LHFPL6: variants seen among roughly 807,000 people sequenced by gnomAD.
LHFPL6 encodes the protein LHFPL tetraspan subfamily member 6 protein.
A neutral mutation model predicts 20.6 loss-of-function variants in LHFPL6; 9 were observed. The observed-to-expected ratio is 0.44, with a 90% CI of 0.26 to 0.76. LHFPL6 has a LOEUF of 0.76. LHFPL6 is among the 30% of genes least tolerant of loss of function. The probability of loss-of-function intolerance (pLI) is 0.20; values close to 1 mark genes in which losing one functional copy is unlikely to be tolerated. For missense variants in LHFPL6, 218 were observed against 253.5 expected (o/e 0.86, Z 0.95); for synonymous variants, 105 against 98.7 (o/e 1.06, Z -0.38).
chr13:39,456,954 G>A (rs138771828), intron 2 of LHFPL6, among the ~76,000 whole-genome samples: 4,868 of 151,976 alleles, frequency 0.032, 258 homozygotes, highest in African/African-American at 0.11. Flanking sequence ...GAGCCACCAC[G>A]CCCGGCTAAT....
At chr13:39,359,760 A>G (rs1869829477) in intron 3 of LHFPL6, among the ~76,000 whole-genome samples, 1 of 151,798 alleles carries the variant, frequency 6.6e-6, no homozygotes, top group Admixed American at 6.6e-5. Context: ...CTGCACATGT[A>G]CCCCCAGAAT....
chr13:39,531,587 A>G (rs1870466553), intron 2 of LHFPL6, among the ~76,000 whole-genome samples: 1 of 152,162 alleles, frequency 6.6e-6, no homozygotes, highest in African/African-American at 2.4e-5. Flanking sequence ...GGGAATTCCA[A>G]TGGTTGAGCA....
At chr13:39,541,177 C>T (rs569686478) in intron 2 of LHFPL6, among the ~76,000 whole-genome samples, 8 of 152,306 alleles carry the variant, frequency 5.3e-5, no homozygotes, top group Non-Finnish European at 1.2e-4. Flanking sequence ...CTGAAAACAT[C>T]CTCCATCTCT....
intron 2 of LHFPL6, among the ~76,000 whole-genome samples, chr13:39,584,269 C>T (rs1024981461): frequency 3.9e-5 from 6 of 152,208 alleles, no homozygotes; most frequent in Middle Eastern, 3.4e-3. Context: ...TGGCCGGGCA[C>T]GGTGGCTCAC....
chr13:39,545,848 A>G (rs1445608692), intron 2 of LHFPL6, among the ~76,000 whole-genome samples: 1 of 152,136 alleles, frequency 6.6e-6, no homozygotes, highest in Non-Finnish European at 1.5e-5. Flanking sequence ...AGACAGGAAG[A>G]TCACTTGAGG....
At chr13:39,570,472 G>A (rs1281270974) in intron 2 of LHFPL6, among the ~76,000 whole-genome samples, 2 of 151,118 alleles carry the variant, frequency 1.3e-5, no homozygotes, top group African/African-American at 4.9e-5. Flanking sequence ...ATATCCAGAA[G>A]GATTCATTAA....
chr13:39,530,488 T>C (rs1397463870), intron 2 of LHFPL6, among the ~76,000 whole-genome samples: 1 of 151,974 alleles, frequency 6.6e-6, no homozygotes, highest in African/African-American at 2.4e-5. Flanking sequence ...GAGTTTCCAG[T>C]GCAGGTAAAC....
chr13:39,506,357 T>C (rs1323035391), intron 2 of LHFPL6, among the ~76,000 whole-genome samples: 1 of 152,128 alleles, frequency 6.6e-6, no homozygotes, highest in African/African-American at 2.4e-5. Flanking sequence ...CTAATGGTGT[T>C]CAGTGATGAA....
At chr13:39,424,354 A>C (rs1871584264) in intron 2 of LHFPL6, among the ~76,000 whole-genome samples, 1 of 152,308 alleles carries the variant, frequency 6.6e-6, no homozygotes, top group East Asian at 1.9e-4. Flanking sequence ...TAAAGGAATA[A>C]AGTTGTAAGA....
At chr13:39,596,603 G>A (rs1225504845) in intron 2 of LHFPL6, among the ~76,000 whole-genome samples, 2 of 151,672 alleles carry the variant, frequency 1.3e-5, no homozygotes, top group African/African-American at 2.4e-5. Context: ...ATAGGTTAGA[G>A]TGAGCCAAAT....
rs5802996 is a variant in LHFPL6, at chr13:39,542,096, T to TATAATAATAATAATA, written c.385+58721_385+58735dup. Among the ~76,000 whole-genome samples the TATAATAATAATAATA allele has an allele frequency of 1.2e-3, 160 of 137,132 alleles. 1 individual carries two copies. The highest frequency in any genetic ancestry group is 1.5e-3 in the East Asian group (7 of 4,700). The allele number at this position is 137,132 out of a possible 152,430, so 90.0% of individuals were successfully genotyped here. A position where few individuals can be genotyped will look rare whatever the true frequency, so the allele number is the denominator to read the frequency against. On this transcript the variant is annotated intron_variant, in intron 2 of 3. Transcript: ENST00000379589. ...ACAGATAGAGACTCTATCTCAAAAA[T>TATAATAATAATAATA]ATAATAATAATAATAATAATAATAA...
chr13:39,554,238 A>G (rs1443489796), intron 2 of LHFPL6, among the ~76,000 whole-genome samples: 2 of 150,462 alleles, frequency 1.3e-5, no homozygotes, highest in African/African-American at 4.9e-5. Flanking sequence ...TAGATCTCAA[A>G]GTTATCTACC....
At chr13:39,497,940 G>A (rs917304859) in intron 2 of LHFPL6, among the ~76,000 whole-genome samples, 8 of 152,142 alleles carry the variant, frequency 5.3e-5, no homozygotes, top group Non-Finnish European at 1.2e-4. Flanking sequence ...TGAAGACACT[G>A]ATTTTAGTGC....
At chr13:39,592,908 G>A (rs1206641453) in intron 2 of LHFPL6, among the ~76,000 whole-genome samples, 1 of 152,178 alleles carries the variant, frequency 6.6e-6, no homozygotes, top group Non-Finnish European at 1.5e-5. Flanking sequence ...AAAGGCCTTT[G>A]AAAAAATTCA....
chr13:39,548,730 G>T (rs1871054493), intron 2 of LHFPL6, among the ~76,000 whole-genome samples: 2 of 152,094 alleles, frequency 1.3e-5, no homozygotes, highest in South Asian at 4.1e-4. Context: ...ACCGGGGTTT[G>T]TCCATAGAAA....
chr13:39,475,226 T>C (rs1032608899), intron 2 of LHFPL6, among the ~76,000 whole-genome samples: 1 of 152,090 alleles, frequency 6.6e-6, no homozygotes, highest in African/African-American at 2.4e-5. Context: ...ATCGAGAAAC[T>C]GGAGGGTGAC....
intron 2 of LHFPL6, among the ~76,000 whole-genome samples, chr13:39,482,628 G>A (rs996649209): frequency 2.6e-5 from 4 of 152,060 alleles, no homozygotes; most frequent in African/African-American, 9.7e-5. Flanking sequence ...ATAGTAAAGT[G>A]GACAGAGAAT....
chr13:39,560,258 CT>C (rs1337129356), intron 2 of LHFPL6, among the ~76,000 whole-genome samples: 7 of 152,176 alleles, frequency 4.6e-5, no homozygotes, highest in Non-Finnish European at 1.0e-4. Context: ...CTTCACAATT[CT>C]TTGATGAGAC....
At chr13:39,494,820 AAAAT>A (rs1869043773) in intron 2 of LHFPL6, among the ~76,000 whole-genome samples, 1 of 152,348 alleles carries the variant, frequency 6.6e-6, no homozygotes, top group Non-Finnish European at 1.5e-5. Flanking sequence ...GTGCCGTGCC[AAAAT>A]AAATGTTTCT....
Sources: gnomAD v4.1 joint callset for allele counts (sites outside exome capture counted in the v4.1 genomes callset) on GRCh38, gnomAD v4.1.1 for gene constraint, MANE v1.5 for transcripts, NCBI Gene and HGNC (gene_info 2026-07-23, HGNC 2026-07-21) for gene names.